The following TSPAN32 variants were observed in gnomAD, a reference collection of about 807,000 sequenced individuals.
TSPAN32 encodes the protein tetraspanin 32.
Under a neutral mutation model 42.7 loss-of-function variants are expected in TSPAN32, and 47 were observed. That is an observed-to-expected ratio of 1.10 (90% confidence interval 0.87 to 1.40). TSPAN32 has a LOEUF of 1.40. TSPAN32 is among the 40% of genes most tolerant of loss of function. The probability of loss-of-function intolerance (pLI) is 0.00; values close to 1 mark genes in which losing one functional copy is unlikely to be tolerated. For missense variants in TSPAN32, 469 were observed against 424.1 expected, an observed-to-expected ratio of 1.11 and a Z score of -0.93; for synonymous variants, 175 against 175.9, an observed-to-expected ratio of 0.99 and a Z score of 0.04.
Position 2,316,655 on chromosome 11 carries a change from C to A in TSPAN32, c.707C>A (p.Thr236Asn), listed in dbSNP as rs753206297. 4 of 1,531,392 alleles carry A rather than the reference C, an allele frequency of 2.6e-6. No individual in the cohort carries two copies. Among genetic ancestry groups the A allele is most frequent in the East Asian group, 2.3e-5 (1 of 44,128 alleles). The allele number at this position is 1,531,392 out of a possible 1,614,324, so 94.9% of individuals were successfully genotyped here. A position where few individuals can be genotyped will look rare whatever the true frequency, so the allele number is the denominator to read the frequency against. The change falls in exon 8 of 10, where the codon ACC becomes AAC. Residue 236 changes from threonine (T) to asparagine (N), a missense_variant. Physicochemically the swap from Thr to Asn is moderately conservative, Grantham distance 65. Transcript: ENST00000182290. ...GCSLDRKGKYTLTPRACGRQP... is the reference protein window; with the variant it reads ...GCSLDRKGKYNLTPRACGRQP... The stretch of plus-strand genomic sequence containing the variant: ...AGCTTGGACCGCAAGGGCAAATACA[C>A]CCTGACCCCACGGTAGGGCCCCCTG...
At chr11:2,307,483 C>T (rs775940428) in intron 3 of TSPAN32, among the ~76,000 whole-genome samples, 12 of 152,118 alleles carry the variant, frequency 7.9e-5, no homozygotes, top group East Asian at 1.9e-4. Flanking sequence ...CTAGACTCAC[C>T]GTCAGGTACT....
chr11:2,308,754 C>T lies in TSPAN32; in HGVS notation c.298C>T (p.Leu100=). The stretch of plus-strand genomic sequence containing the variant: ...CCCCCAGGGCTTCCTGTGCTTCTCC[C>T]TGGCGTTCTGCGCACAGGTGCAGGT... The part of the protein sequence containing the change: ...LMAGGFLCFS[L]AFCAQVQVVF... Residue 100 remains leucine, a synonymous_variant, in exon 4 of 10, where the codon CTG becomes TTG. Transcript: ENST00000182290. 1.9e-6 allele frequency: 3 copies of T among 1,574,720 alleles called. No individual in the cohort carries two copies. The highest frequency in any genetic ancestry group is 2.6e-6 in the Non-Finnish European group (3 of 1,160,492).
chr11:2,317,811 G>A lies in TSPAN32; in HGVS notation c.902-52G>A. 1 of 1,604,368 alleles carries A rather than the reference G, an allele frequency of 6.2e-7. No homozygotes were observed. The highest frequency in any genetic ancestry group is 8.5e-7 in the Non-Finnish European group (1 of 1,176,798). On this transcript the variant is annotated intron_variant, in intron 9 of 9. Coordinates refer to ENST00000182290, the MANE Select transcript of TSPAN32 (RefSeq NM_139022.3). This position sits in a 1 kb window ranked among gnomAD's most constrained non-coding sequence, Gnocchi z 6.2. ...TGCACTGGTTTTCTATGCTGCGTAA[G>A]AAGCAGCATGGATGTAAGGACTGCA...
chr11:2,309,244 C>T, intron 4 of TSPAN32: 1 of 432,766 alleles, frequency 2.3e-6, no homozygotes, highest in Non-Finnish European at 5.0e-6. Flanking sequence ...CCTGGTGGGG[C>T]AGACGGTACC....
chr11:2,317,996 C>T lies in TSPAN32; in HGVS notation c.*72C>T. 1 of 728,550 alleles carries T rather than the reference C, an allele frequency of 1.4e-6. No individual in the cohort carries two copies. The highest frequency in any genetic ancestry group is 2.5e-5 in the East Asian group (1 of 39,786). 45.1% of individuals were successfully genotyped at this position (728,550 alleles called of 1,614,324 possible). A position where few individuals can be genotyped will look rare whatever the true frequency, so the allele number is the denominator to read the frequency against. ...GCATCTGCCTCCAGGACCATTCAGG[C>T]TGTTGACAAGTCAACTCCTCATGGC... On this transcript the variant is annotated 3_prime_UTR_variant, in exon 10 of 10. Transcript: ENST00000182290. The surrounding 1 kb of genome is among the most constrained non-coding windows in gnomAD (Gnocchi z 6.2).
Position 2,304,667 on chromosome 11 carries a change from T to C in TSPAN32, c.279+463T>C, listed in dbSNP as rs938167121. On this transcript the variant is annotated intron_variant, in intron 3 of 9. Transcript: ENST00000182290. The surrounding 1 kb of genome is among the most constrained non-coding windows in gnomAD (Gnocchi z 4.8). Reference sequence around the variant, plus strand: ...GAAACGCCCCTTGAGCTCTCCAGCCTGGGCTCTCCGGAGCTGCACACTCTC... The same window carrying C: ...GAAACGCCCCTTGAGCTCTCCAGCCCGGGCTCTCCGGAGCTGCACACTCTC... 3.3e-5 allele frequency among the ~76,000 whole-genome samples: 5 copies of C among 151,936 alleles called. No homozygotes were observed. Among genetic ancestry groups the C allele is most frequent in the African/African-American group, 9.7e-5 (4 of 41,350 alleles).
At chr11:2,302,327 C>T (rs2234288) in intron 1 of TSPAN32, 112 bp downstream of exon 1, 456 of 1,168,218 alleles carry the variant, frequency 3.9e-4, no homozygotes, top group Non-Finnish European at 4.8e-4. Context: ...ACCAGCCCTA[C>T]TGTCCCTGTC....
chr11:2,305,376 C>T (rs887686230), intron 3 of TSPAN32, among the ~76,000 whole-genome samples: 22 of 150,340 alleles, frequency 1.5e-4, no homozygotes, highest in East Asian at 7.8e-4. Context: ...GTCTGCCCCC[C>T]CCCCCAGAGG....
Position 2,304,767 on chromosome 11 carries a change from C to T in TSPAN32, c.279+563C>T, listed in dbSNP as rs58833930. Among the ~76,000 whole-genome samples, 19,633 of 151,810 alleles carry T rather than the reference C, an allele frequency of 0.13. 1,368 individuals are homozygous for T. Among genetic ancestry groups the T allele is most frequent in the African/African-American group, 0.18 (7,506 of 41,318 alleles). On this transcript the variant is annotated intron_variant, in intron 3 of 9. Transcript: ENST00000182290. The surrounding 1 kb of genome is among the most constrained non-coding windows in gnomAD (Gnocchi z 4.8). Reference sequence around the variant, plus strand: ...CTCCACCCCACCCCATAGCAGTGGCCTCTTGTCACCCTCATTCCTACTCCT... The same window carrying T: ...CTCCACCCCACCCCATAGCAGTGGCTTCTTGTCACCCTCATTCCTACTCCT...
intron 4 of TSPAN32, among the ~76,000 whole-genome samples, chr11:2,310,375 C>T (rs767665950): frequency 3.9e-5 from 6 of 152,200 alleles, no homozygotes; most frequent in Non-Finnish European, 8.8e-5. Context: ...CCGGGCTCAC[C>T]TATGGCCTGT....
intron 5 of TSPAN32, 42 bp from the exon 6 acceptor site, chr11:2,314,443 T>C: frequency 6.6e-7 from 1 of 1,523,630 alleles, no homozygotes; most frequent in East Asian, 2.3e-5. Context: ...CCTCCTGGGG[T>C]CTCGGGAGCA....
rs1430475470 is a variant in TSPAN32, at chr11:2,313,806, G to A, written c.456+51G>A. ...AGGGCGGTCAGCTTCTGCTTGGACT[G>A]CAGTTCAGAGAACAGGCGCAGGGTG... On this transcript the variant is annotated intron_variant, in intron 5 of 9. Coordinates refer to ENST00000182290, the MANE Select transcript of TSPAN32 (RefSeq NM_139022.3). The surrounding 1 kb of genome is among the most constrained non-coding windows in gnomAD (Gnocchi z 9.1). The A allele has an allele frequency of 7.0e-6, 10 of 1,424,842 alleles. No homozygotes were observed. The highest frequency in any genetic ancestry group is 1.4e-5 in the African/African-American group (1 of 70,978). 88.3% of individuals were successfully genotyped at this position (1,424,842 alleles called of 1,614,324 possible).
intron 3 of TSPAN32, among the ~76,000 whole-genome samples, chr11:2,305,882 C>T (rs1415685019): frequency 1.8e-4 from 27 of 152,242 alleles, no homozygotes; most frequent in Admixed American, 1.8e-3. Context: ...TCAGCATGGC[C>T]ACAGCAGGGA....
intron 4 of TSPAN32, chr11:2,309,405 G>A (rs895974398): frequency 4.1e-5 from 19 of 465,982 alleles, no homozygotes; most frequent in African/African-American, 2.4e-4. Flanking sequence ...GGGCGTCCCC[G>A]TGGAAAGGCC....
At chr11:2,312,900 C>T (rs140071500) in intron 4 of TSPAN32, among the ~76,000 whole-genome samples, 3 of 152,284 alleles carry the variant, frequency 2.0e-5, no homozygotes, top group South Asian at 2.1e-4. Context: ...AGGAGACCAG[C>T]GACTCCTGGA....
chr11:2,307,395 G>C (rs1421797156), intron 3 of TSPAN32, among the ~76,000 whole-genome samples: 6 of 152,224 alleles, frequency 3.9e-5, no homozygotes, highest in Admixed American at 3.9e-4. Context: ...GGACCACCCA[G>C]GCGGGCACAG....
intron 3 of TSPAN32, among the ~76,000 whole-genome samples, chr11:2,305,756 C>T (rs1405061716): frequency 6.6e-6 from 1 of 152,138 alleles, no homozygotes; most frequent in East Asian, 1.9e-4. Flanking sequence ...CCTTGGAGGC[C>T]CCCAACTGGA....
At chr11:2,315,679 T>A in intron 6 of TSPAN32, 1 of 1,193,012 alleles carries the variant, frequency 8.4e-7, no homozygotes, top group Admixed American at 3.5e-5. Flanking sequence ...GTTGCCATCA[T>A]CTCCAGGGTT....
In TSPAN32 at chr11:2,308,786, C is replaced by T. The variant is rs778727393; in HGVS notation, c.330C>T (p.Phe110=). The change falls in exon 4 of 10, where the codon TTC becomes TTT. Residue 110 remains phenylalanine (F), a synonymous_variant. Coordinates refer to ENST00000182290, the MANE Select transcript of TSPAN32 (RefSeq NM_139022.3). The stretch of plus-strand genomic sequence containing the variant: ...TCTGCGCACAGGTGCAGGTGGTGTT[C>T]TGGAGACTCCACAGCCCCACCCAGG... The part of the protein sequence containing the change: ...LAFCAQVQVV[F]WRLHSPTQVE... The T allele has an allele frequency of 6.4e-7, 1 of 1,572,076 alleles. No individual in the cohort carries two copies. The highest frequency in any genetic ancestry group is 1.4e-5 in the African/African-American group (1 of 73,700).
Sources: allele counts gnomAD v4.1 joint callset (sites outside exome capture counted in the v4.1 genomes callset), GRCh38; gene constraint gnomAD v4.1.1; non-coding constraint Gnocchi (gnomAD v3.1); transcripts MANE v1.5; gene names NCBI Gene and HGNC (gene_info 2026-07-23, HGNC 2026-07-21).